The following SUMF1 variants were observed in gnomAD, a reference collection of about 807,000 sequenced individuals.
The protein encoded by SUMF1 is formylglycine-generating enzyme.
SUMF1 carries 48 observed loss-of-function variants against 47.6 expected under a neutral mutation model. That is an observed-to-expected ratio of 1.01 (90% CI 0.80 to 1.28). SUMF1 has a LOEUF of 1.28. Among genes scored for constraint, SUMF1 ranks in the 50% most tolerant of loss-of-function variants. The probability of loss-of-function intolerance (pLI) is 0.00; values close to 1 mark genes in which losing one functional copy is unlikely to be tolerated. For synonymous variants in SUMF1, 230 were observed against 192.1 expected, an observed-to-expected ratio of 1.20 and a Z score of -1.63; for missense variants, 571 against 485.4, an observed-to-expected ratio of 1.18 and a Z score of -1.66.
At chr3:4,162,470 C>G (rs1280880537) in intron 8 of SUMF1, among the ~76,000 whole-genome samples, 1 of 152,148 alleles carries the variant, frequency 6.6e-6, no homozygotes, top group Non-Finnish European at 1.5e-5. Context: ...GCAAGGCTTA[C>G]CAAAACTCAA....
intron 7 of SUMF1, among the ~76,000 whole-genome samples, chr3:4,405,298 G>C (rs1390212529): frequency 6.6e-6 from 1 of 152,178 alleles, no homozygotes; most frequent in African/African-American, 2.4e-5. Flanking sequence ...TGTGTGGATA[G>C]GCAAGAGCTC....
intron 8 of SUMF1, among the ~76,000 whole-genome samples, chr3:4,170,642 C>A (rs553936096): frequency 5.4e-4 from 82 of 151,962 alleles, no homozygotes; most frequent in African/African-American, 2.0e-3. Context: ...GACAATAGAT[C>A]GATGAAACAG....
At chr3:4,045,057 C>G (rs889373759) in intron 9 of SUMF1, among the ~76,000 whole-genome samples, 2 of 152,158 alleles carry the variant, frequency 1.3e-5, no homozygotes, top group Admixed American at 1.3e-4. Context: ...TTTAGCTAGG[C>G]TGCAATCCTT....
intron 8 of SUMF1, among the ~76,000 whole-genome samples, chr3:4,334,042 C>T (rs981257777): frequency 6.6e-6 from 1 of 151,816 alleles, no homozygotes; most frequent in Non-Finnish European, 1.5e-5. Flanking sequence ...GTGGGCAGAT[C>T]ACTTGAGCCC....
intron 8 of SUMF1, among the ~76,000 whole-genome samples, chr3:4,328,564 G>A (rs1421643722): frequency 1.3e-5 from 2 of 152,088 alleles, no homozygotes; most frequent in East Asian, 1.9e-4. Flanking sequence ...TCACTACCAC[G>A]AGAACAGTAT....
chr3:4,431,853 C>T lies in SUMF1; in HGVS notation c.520-11707G>A, dbSNP rs61140749. On this transcript the variant is annotated intron_variant, in intron 3 of 8. Transcript: ENST00000272902. ...GCATAATTAAGAGCATCCCATTTCGCTGTCAAAAGTGTCTTGATTTGGACA... is the reference window on the plus strand; with the variant it reads ...GCATAATTAAGAGCATCCCATTTCGTTGTCAAAAGTGTCTTGATTTGGACA... Among the ~76,000 whole-genome samples, 234 of 152,282 alleles carry T rather than the reference C, an allele frequency of 1.5e-3. 1 individual carries two copies. The highest frequency in any genetic ancestry group is 5.4e-3 in the African/African-American group (226 of 41,552).
At chr3:4,207,121 ATTATC>A (rs1336552613) in intron 8 of SUMF1, among the ~76,000 whole-genome samples, 1 of 152,114 alleles carries the variant, frequency 6.6e-6, no homozygotes, top group Non-Finnish European at 1.5e-5. Context: ...AGTAAATGAT[ATTATC>A]TTAATTTTAT....
At chr3:4,262,317 C>CCAT (rs1293632069) in intron 8 of SUMF1, among the ~76,000 whole-genome samples, 1 of 152,148 alleles carries the variant, frequency 6.6e-6, no homozygotes, top group African/African-American at 2.4e-5. Context: ...ATTATAAATT[C>CCAT]CATCTTCAAC....
At chr3:4,430,219 G>C (rs1402547158) in intron 3 of SUMF1, among the ~76,000 whole-genome samples, 1 of 152,130 alleles carries the variant, frequency 6.6e-6, no homozygotes, top group Non-Finnish European at 1.5e-5. Flanking sequence ...CACCATCAAA[G>C]GAGTCACAGT....
Position 4,158,908 on chromosome 3 carries a change from C to T in SUMF1, c.1015-90163G>A, listed in dbSNP as rs182255870. ...AGTGTGTTTCTTGTAGGCAACAGATCGTTGAGTCTCTTTTTTTATCCACTC... is the reference window on the plus strand; with the variant it reads ...AGTGTGTTTCTTGTAGGCAACAGATTGTTGAGTCTCTTTTTTTATCCACTC... On this transcript the variant is annotated intron_variant and NMD_transcript_variant, in intron 8 of 12. Coordinates refer to the SUMF1 transcript ENST00000448413. Among the ~76,000 whole-genome samples, 18 of 151,488 alleles carry T rather than the reference C, an allele frequency of 1.2e-4. 1 individual carries two copies. Among genetic ancestry groups the T allele is most frequent in the East Asian group, 7.7e-4 (4 of 5,186 alleles).
At chr3:4,176,752 T>C (rs1553606129) in intron 8 of SUMF1, among the ~76,000 whole-genome samples, 1 of 152,090 alleles carries the variant, frequency 6.6e-6, no homozygotes, top group Non-Finnish European at 1.5e-5. Context: ...GCAAATTGGA[T>C]AAAGAGTCAA....
chr3:4,362,159 C>A lies in SUMF1; in HGVS notation c.1110G>T (p.Leu370=). ...TCCTTGGTTGTCAGTCCATAGTGGG[C>A]AGGCGGTCGGCTGCACAGCGGAATC... ...NLGFRCAADR[L]PTMD The change falls in exon 9 of 9, where the codon CTG becomes CTT. Residue 370 remains leucine, a synonymous_variant. Coordinates refer to ENST00000272902, the MANE Select transcript of SUMF1 (RefSeq NM_182760.4). 1.9e-6 allele frequency: 3 copies of A among 1,614,148 alleles called. No homozygotes were observed. The highest frequency in any genetic ancestry group is 2.5e-6 in the Non-Finnish European group (3 of 1,180,014).
At chr3:4,437,175 A>T (rs1279069379) in intron 3 of SUMF1, among the ~76,000 whole-genome samples, 1 of 152,212 alleles carries the variant, frequency 6.6e-6, no homozygotes, top group Non-Finnish European at 1.5e-5. Flanking sequence ...AGAAATACTG[A>T]CTACATAAAA....
intron 8 of SUMF1, among the ~76,000 whole-genome samples, chr3:4,078,346 G>T (rs914460042): frequency 3.9e-5 from 6 of 151,940 alleles, no homozygotes; most frequent in African/African-American, 1.5e-4. Flanking sequence ...CACTACCTGT[G>T]AACGTATCAT....
At chr3:4,203,640 T>C (rs1437947550) in intron 8 of SUMF1, among the ~76,000 whole-genome samples, 1 of 152,164 alleles carries the variant, frequency 6.6e-6, no homozygotes, top group Non-Finnish European at 1.5e-5. Flanking sequence ...ATTTGTTTTC[T>C]GGTTGTTTTG....
chr3:4,053,295 G>A (rs921022470), intron 9 of SUMF1, among the ~76,000 whole-genome samples: 2 of 152,040 alleles, frequency 1.3e-5, no homozygotes, highest in African/African-American at 4.8e-5. Context: ...GACATGGTTC[G>A]TGGCACCCCA....
chr3:4,239,421 C>T (rs1320988333), intron 8 of SUMF1, among the ~76,000 whole-genome samples: 1 of 152,000 alleles, frequency 6.6e-6, no homozygotes. Context: ...GAATGTTTTC[C>T]CATTTGTTTG....
chr3:4,253,829 G>A (rs570785660), intron 8 of SUMF1, among the ~76,000 whole-genome samples: 1 of 148,628 alleles, frequency 6.7e-6, no homozygotes, highest in South Asian at 2.3e-4. Context: ...CAAACAAAAA[G>A]ACAGCAGTAA....
At chr3:4,089,979 AT>A (rs1692749510) in intron 8 of SUMF1, among the ~76,000 whole-genome samples, 1 of 152,104 alleles carries the variant, frequency 6.6e-6, no homozygotes, top group South Asian at 2.1e-4. Flanking sequence ...TTACACAATT[AT>A]CTTTTTATTC....
Sources: gnomAD v4.1 joint callset for allele counts (sites outside exome capture counted in the v4.1 genomes callset) on GRCh38, gnomAD v4.1.1 for gene constraint, MANE v1.5 for transcripts, NCBI Gene and HGNC (gene_info 2026-07-23, HGNC 2026-07-21) for gene names.